Variants in RANBP9 observed in about 807,000 individuals in gnomAD.
RANBP9 encodes RAN binding protein 9.
RANBP9 carries 15 observed loss-of-function variants against 84.3 expected under a neutral mutation model. The observed-to-expected ratio is 0.18, with a 90% CI of 0.12 to 0.27. RANBP9 has a LOEUF of 0.27. Among genes scored for constraint, RANBP9 ranks in the 10% least tolerant of loss-of-function variants. The pLI is 1.00. For synonymous variants in RANBP9, 392 were observed against 349.6 expected, an observed-to-expected ratio of 1.12 and a Z score of -1.35; for missense variants, 809 against 912.8, an observed-to-expected ratio of 0.89 and a Z score of 1.46.
intron 2 of RANBP9, among the ~76,000 whole-genome samples, chr6:13,686,116 G>T (rs10456687): frequency 8.0e-3 from 17 of 2,112 alleles, no homozygotes; most frequent in African/African-American, 0.015. Flanking sequence ...CCCCCCCCCC[G>T]CCCCCCGAAA....
At chr6:13,641,785 G>A (rs1010927098) in intron 7 of RANBP9, among the ~76,000 whole-genome samples, 2 of 152,176 alleles carry the variant, frequency 1.3e-5, no homozygotes, top group African/African-American at 4.8e-5. Flanking sequence ...CTGTTCAACA[G>A]AGCTTATTAA....
At chr6:13,633,300 C>G (rs1584912844) in intron 11 of RANBP9, among the ~76,000 whole-genome samples, 1 of 152,208 alleles carries the variant, frequency 6.6e-6, no homozygotes, top group East Asian at 1.9e-4. Flanking sequence ...TCCCAAAGTG[C>G]TGGGATTACA....
chr6:13,708,097 G>A (rs186398477), intron 1 of RANBP9, among the ~76,000 whole-genome samples: 26 of 152,288 alleles, frequency 1.7e-4, no homozygotes, highest in African/African-American at 5.8e-4. Flanking sequence ...GCTTCCAAAA[G>A]CAGTAATTTC....
At position 13,651,622 on chromosome 6, in the gene RANBP9, G is replaced by A. The variant is rs747432133; in HGVS notation, c.927+1037C>T. ...TCACCGTGTTGGCCAGGATGGTCTCGATCTCCTGACCTCGTGATCCGCCCA... is the reference window on the plus strand; with the variant it reads ...TCACCGTGTTGGCCAGGATGGTCTCAATCTCCTGACCTCGTGATCCGCCCA... On this transcript the variant is annotated intron_variant, in intron 5 of 13. Coordinates refer to ENST00000011619, the MANE Select transcript of RANBP9 (RefSeq NM_005493.3). 4.0e-5 allele frequency among the ~76,000 whole-genome samples: 6 copies of A among 151,506 alleles called. No homozygotes were observed. The East Asian group carries it at 1.2e-3, about 29-fold the overall frequency.
At chr6:13,681,607 T>C (rs369921182) in intron 2 of RANBP9, among the ~76,000 whole-genome samples, 15 of 151,126 alleles carry the variant, frequency 9.9e-5, no homozygotes, top group African/African-American at 3.4e-4. Context: ...GCAAACAAAA[T>C]AGATAAAATA....
chr6:13,698,236 T>C (rs1584948460), intron 1 of RANBP9, among the ~76,000 whole-genome samples: 2 of 152,306 alleles, frequency 1.3e-5, no homozygotes, highest in Non-Finnish European at 2.9e-5. Flanking sequence ...TCTTTTAGCC[T>C]GGTGACCATA....
intron 2 of RANBP9, among the ~76,000 whole-genome samples, chr6:13,669,037 T>C (rs1426853471): frequency 6.6e-6 from 1 of 151,930 alleles, no homozygotes; most frequent in African/African-American, 2.4e-5. Context: ...TCAACAAGAC[T>C]ACAAGATACA....
At chr6:13,706,343 C>A (rs925430784) in intron 1 of RANBP9, among the ~76,000 whole-genome samples, 3 of 151,576 alleles carry the variant, frequency 2.0e-5, no homozygotes, top group Admixed American at 6.6e-5. Flanking sequence ...GACTCGGTCT[C>A]AAAAAACAAC....
intron 1 of RANBP9, among the ~76,000 whole-genome samples, chr6:13,705,005 T>TA (rs762916368): frequency 2.6e-5 from 4 of 152,182 alleles, no homozygotes. Flanking sequence ...TCTCCACCTC[T>TA]GAGTGTCCAG....
At chr6:13,641,330 C>T (rs772839964) in intron 7 of RANBP9, 23 bp from the exon 8 acceptor site, 112 of 1,443,642 alleles carry the variant, frequency 7.8e-5, no homozygotes, top group South Asian at 1.6e-4. Flanking sequence ...AGAAAGCAAA[C>T]GATTAACTTT....
At chr6:13,641,837 G>A (rs1012689071) in intron 7 of RANBP9, among the ~76,000 whole-genome samples, 1 of 152,144 alleles carries the variant, frequency 6.6e-6, no homozygotes, top group African/African-American at 2.4e-5. Context: ...ACAACCCAAT[G>A]TAATCAGTGC....
At chr6:13,690,398 A>G (rs988418638) in intron 2 of RANBP9, among the ~76,000 whole-genome samples, 1 of 152,198 alleles carries the variant, frequency 6.6e-6, no homozygotes, top group African/African-American at 2.4e-5. Flanking sequence ...AATCAAACCT[A>G]GAAGGAAAGA....
intron 2 of RANBP9, among the ~76,000 whole-genome samples, chr6:13,669,768 T>C (rs548069416): frequency 5.9e-5 from 9 of 152,224 alleles, no homozygotes; most frequent in African/African-American, 1.7e-4. Context: ...TTTTTTCGCA[T>C]TTTTTGTACA....
chr6:13,667,609 ACTG>A (rs1260053854), intron 2 of RANBP9, among the ~76,000 whole-genome samples: 3 of 152,164 alleles, frequency 2.0e-5, no homozygotes, highest in African/African-American at 7.2e-5. Flanking sequence ...ACACATTTTT[ACTG>A]TATCTTTCCT....
chr6:13,660,413 G>A (rs1403960966), intron 2 of RANBP9, among the ~76,000 whole-genome samples: 2 of 152,104 alleles, frequency 1.3e-5, no homozygotes, highest in Non-Finnish European at 2.9e-5. Flanking sequence ...GGGGACTGAG[G>A]TGGGAGGACT....
chr6:13,690,324 T>C (rs896321528), intron 2 of RANBP9, among the ~76,000 whole-genome samples: 13 of 152,260 alleles, frequency 8.5e-5, no homozygotes, highest in Admixed American at 5.2e-4. Flanking sequence ...TGCTTACTTA[T>C]AATAAATGTA....
At chr6:13,702,086 T>C (rs1173447764) in intron 1 of RANBP9, among the ~76,000 whole-genome samples, 1 of 152,254 alleles carries the variant, frequency 6.6e-6, no homozygotes, top group African/African-American at 2.4e-5. Flanking sequence ...TATGCCTCCG[T>C]GCTACATATA....
At chr6:13,685,419 C>A (rs1766150071) in intron 2 of RANBP9, among the ~76,000 whole-genome samples, 1 of 151,998 alleles carries the variant, frequency 6.6e-6, no homozygotes, top group Admixed American at 6.6e-5. Context: ...CAAAAAAATT[C>A]AAAAATAAGC....
Position 13,627,630 on chromosome 6 carries a change from C to CAAAAAAAAAAAA in RANBP9, c.1948-1878_1948-1867dup, listed in dbSNP as rs35401168. 5.8e-3 allele frequency among the ~76,000 whole-genome samples: 382 copies of CAAAAAAAAAAAA among 66,388 alleles called. 8 individuals are homozygous for CAAAAAAAAAAAA. Among genetic ancestry groups the CAAAAAAAAAAAA allele is most frequent in the Non-Finnish European group, 9.4e-3 (322 of 34,234 alleles). The allele number at this position is 66,388 out of a possible 152,430, so 43.6% of individuals were successfully genotyped here. ...GGACGACAGAGAGAGACTCCATCTCCAAAAAAAAAAAAAAAAAAAAAAAAT... is the reference window on the plus strand; with the variant it reads ...GGACGACAGAGAGAGACTCCATCTCCAAAAAAAAAAAAAAAAAAAAAAAAAAAAAAAAAAAAT... On this transcript the variant is annotated intron_variant, in intron 12 of 13. Transcript: ENST00000011619.
Sources: gnomAD v4.1 joint callset for allele counts (sites outside exome capture counted in the v4.1 genomes callset) on GRCh38, gnomAD v4.1.1 for gene constraint, MANE v1.5 for transcripts, NCBI Gene and HGNC (gene_info 2026-07-23, HGNC 2026-07-21) for gene names.